The following CFAP46 variants were observed in gnomAD, a reference collection of about 807,000 sequenced individuals.
CFAP46 encodes the protein cilia- and flagella-associated protein 46.
A neutral mutation model predicts 325.7 loss-of-function variants in CFAP46; 245 were observed. The ratio of observed to expected loss-of-function variants is 0.75; its 90% CI spans 0.68 to 0.84. The LOEUF is 0.84. Among genes scored for constraint, CFAP46 ranks in the 40% least tolerant of loss-of-function variants. CFAP46 has a pLI of 0.00. For synonymous variants in CFAP46, 1,523 were observed against 1,495.9 expected, an observed-to-expected ratio of 1.02 and a Z score of -0.42; for missense variants, 3,346 against 3,543.0, an observed-to-expected ratio of 0.94 and a Z score of 1.41.
chr10:132,846,219 C>G lies in CFAP46; in HGVS notation c.6276G>C (p.Ser2092=), dbSNP rs769342863. 3.1e-5 allele frequency: 50 copies of G among 1,611,518 alleles called. 2 individuals carry two copies. In the Middle Eastern group the frequency reaches 3.7e-3, roughly 119 times the overall value. Residue 2092 remains serine, a synonymous_variant, in exon 44 of 58, where the codon TCG becomes TCC. Coordinates refer to ENST00000368586, the MANE Select transcript of CFAP46 (RefSeq NM_001200049.3). Reference sequence around the variant, plus strand: ...GGACATCCCTCATCGTCTCTGAGGCCGAGCAGCTCTGAAAGGGAGCAGGGG... The same window carrying G: ...GGACATCCCTCATCGTCTCTGAGGCGGAGCAGCTCTGAAAGGGAGCAGGGG... ...CQFLALSQSC[S]ASETMRDVLL...
At chr10:132,822,838 CTGATGTGTGCACTGT>C in intron 50 of CFAP46, among the ~76,000 whole-genome samples, 1 of 108,828 alleles carries the variant, frequency 9.2e-6, no homozygotes, top group Non-Finnish European at 1.8e-5. Flanking sequence ...CTGATGTGTG[CTGATGTGTGCACTGT>C]GTGCTGTGTG....
intron 25 of CFAP46, 89 bp downstream of exon 25, chr10:132,892,244 G>C (rs1849263363): frequency 8.0e-7 from 1 of 1,257,418 alleles, no homozygotes. Context: ...CAGGGCATGG[G>C]AATTTAAAAG....
At chr10:132,839,301 A>T (rs1189017696) in intron 44 of CFAP46, among the ~76,000 whole-genome samples, 1 of 152,238 alleles carries the variant, frequency 6.6e-6, no homozygotes, top group East Asian at 1.9e-4. Context: ...CACAAGGGAC[A>T]CAGCCCTGGG....
chr10:132,932,273 G>A (rs1849921843), intron 8 of CFAP46, among the ~76,000 whole-genome samples: 1 of 141,378 alleles, frequency 7.1e-6, no homozygotes, highest in African/African-American at 2.7e-5. Flanking sequence ...CACAGAGCCT[G>A]GGCCTCCCTC....
intron 22 of CFAP46, chr10:132,908,250 C>G: frequency 1.7e-6 from 1 of 585,090 alleles, no homozygotes; most frequent in Non-Finnish European, 3.0e-6. Flanking sequence ...GCTCCCTGAT[C>G]TGTGATCGCC....
rs780809245 is a variant in CFAP46, at chr10:132,940,988, T to G, written c.371+8A>C. On this transcript the variant is annotated splice_region_variant and intron_variant, in intron 4 of 57. Coordinates refer to ENST00000368586, the MANE Select transcript of CFAP46 (RefSeq NM_001200049.3). ...TCAGTGAGAAACGGCCACTTCAATT[T>G]TGCCTACCTCGGTTCTCCTTTGGCA... 6.2e-7 allele frequency: 1 copy of G among 1,614,152 alleles called. No individual in the cohort carries two copies. Among genetic ancestry groups the G allele is most frequent in the Non-Finnish European group, 8.5e-7 (1 of 1,179,984 alleles).
intron 27 of CFAP46, among the ~76,000 whole-genome samples, chr10:132,882,114 CTGTATGGGATGTGGGGTGTGAGTGGTG>C (rs755594551): frequency 8.6e-4 from 33 of 38,522 alleles, no homozygotes; most frequent in Middle Eastern, 0.017. Context: ...TGTGTGTGGT[CTGTATGGGATGTGGGGTGTGAGTGGTG>C]TGTGTGGGAT....
Position 132,847,817 on chromosome 10 carries a change from G to A in CFAP46, c.5953-496C>T, listed in dbSNP as rs1848465637. 6.6e-6 allele frequency among the ~76,000 whole-genome samples: 1 copy of A among 152,156 alleles called. No individual in the cohort carries two copies. Among genetic ancestry groups the A allele is most frequent in the South Asian group, 2.1e-4 (1 of 4,828 alleles). ...GAGAGGGAGCCCCCTGGGTTTTCGG[G>A]ACACAAGGTATCGCAGCACCAAATC... On this transcript the variant is annotated intron_variant, in intron 41 of 57. Coordinates refer to ENST00000368586, the MANE Select transcript of CFAP46 (RefSeq NM_001200049.3). The surrounding 1 kb of genome is among the most constrained non-coding windows in gnomAD (Gnocchi z 5.2).
rs770250507 is a variant in CFAP46, at chr10:132,922,587, G to A, written c.1378C>T (p.Leu460Phe). 1 of 1,548,980 alleles carries A rather than the reference G, an allele frequency of 6.5e-7. No individual in the cohort carries two copies. The highest frequency in any genetic ancestry group is 8.7e-7 in the Non-Finnish European group (1 of 1,146,844). The change falls in exon 12 of 58, where the codon CTC becomes TTC. Residue 460 changes from leucine to phenylalanine, a missense_variant. By Grantham distance (22) the Leu-to-Phe change is conservative (BLOSUM62 0). Coordinates refer to ENST00000368586, the MANE Select transcript of CFAP46 (RefSeq NM_001200049.3). ...RKAARLDSLG[L>F]YRDRIQMAST... ...GCCATCTGGATCCTGTCCCGGTAGA[G>A]GCCCAGGCTGTCCAGGCGCGCGGCT... is the stretch of plus-strand genomic sequence containing the variant.
rs1399663247 is a variant in CFAP46, at chr10:132,919,705, C to T, written c.1731-263G>A. ...AGAAGAAAGGCCACACAATCCACTCCCCGGGGGAGTGCACGGGACAGGCCT... is the reference window on the plus strand; with the variant it reads ...AGAAGAAAGGCCACACAATCCACTCTCCGGGGGAGTGCACGGGACAGGCCT... On this transcript the variant is annotated intron_variant, in intron 14 of 57. Coordinates refer to ENST00000368586, the MANE Select transcript of CFAP46 (RefSeq NM_001200049.3). The surrounding 1 kb of genome is among the most constrained non-coding windows in gnomAD (Gnocchi z 9.7). Among the ~76,000 whole-genome samples the T allele has an allele frequency of 2.0e-5, 3 of 152,072 alleles. No homozygotes were observed. Among genetic ancestry groups the T allele is most frequent in the Admixed American group, 6.5e-5 (1 of 15,286 alleles).
At chr10:132,931,021 C>A (rs1410407899) in intron 8 of CFAP46, among the ~76,000 whole-genome samples, 9 of 116,692 alleles carry the variant, frequency 7.7e-5, no homozygotes, top group Admixed American at 3.4e-4. Flanking sequence ...CCTCCACAAA[C>A]AAAACCTGGG....
chr10:132,817,198 C>T lies in CFAP46; in HGVS notation c.7118-2284G>A, dbSNP rs192634902. Among the ~76,000 whole-genome samples, 3 of 152,274 alleles carry T rather than the reference C, an allele frequency of 2.0e-5. No homozygotes were observed. Among genetic ancestry groups the T allele is most frequent in the South Asian group, 2.1e-4 (1 of 4,824 alleles). ...AGGCTATTTCATACCTCTGAGGAGG[C>T]GAACTTTCGATTCTCATGATGTCCA... On this transcript the variant is annotated intron_variant, in intron 50 of 57. Transcript: ENST00000368586. This position sits in a 1 kb window ranked among gnomAD's most constrained non-coding sequence, Gnocchi z 4.4.
At chr10:132,860,616 C>T (rs765760469) in intron 36 of CFAP46, 93 bp from the exon 37 acceptor site, 34 of 1,206,146 alleles carry the variant, frequency 2.8e-5, no homozygotes, top group Non-Finnish European at 3.9e-5. Context: ...AGATACGGGC[C>T]TGAGGACAGG....
chr10:132,834,654 C>G lies in CFAP46; in HGVS notation c.6866G>C (p.Arg2289Thr), dbSNP rs1477230108. The G allele has an allele frequency of 1.2e-6, 2 of 1,613,134 alleles. No homozygotes were observed. The highest frequency in any genetic ancestry group is 1.3e-5 in the African/African-American group (1 of 74,952). The change falls in exon 48 of 58, where the codon AGA becomes ACA. Residue 2289 changes from arginine to threonine, a missense_variant and splice_region_variant. Transcript: ENST00000368586. ...LFPLLSLSKA[R>T]VQTPAVVADS... ...CCAGCCTCAACGTCATCCCCAGTAC[C>G]TGGCCTTGGAGAGGCTGAGCAGGGG...
intron 44 of CFAP46, among the ~76,000 whole-genome samples, chr10:132,845,242 T>A (rs60678278): frequency 6.6e-6 from 1 of 152,264 alleles, no homozygotes; most frequent in African/African-American, 2.4e-5. Context: ...CCACCCTCTG[T>A]CCTCTCAGCT....
Position 132,836,921 on chromosome 10 carries a change from G to A in CFAP46, c.6439-7C>T. On this transcript the variant is annotated splice_region_variant and splice_polypyrimidine_tract_variant and intron_variant, in intron 44 of 57. Transcript: ENST00000368586. ...CGCAGAGATTTTGCCAAGCCTGTGTGGCGAAAAACGGCCATCAGGGGATGC... is the reference window on the plus strand; with the variant it reads ...CGCAGAGATTTTGCCAAGCCTGTGTAGCGAAAAACGGCCATCAGGGGATGC... 1 of 1,608,182 alleles carries A rather than the reference G, an allele frequency of 6.2e-7. No individual in the cohort carries two copies. Among genetic ancestry groups the A allele is most frequent in the Non-Finnish European group, 8.5e-7 (1 of 1,174,808 alleles).
chr10:132,863,088 C>T (rs979744784), intron 35 of CFAP46, among the ~76,000 whole-genome samples: 3 of 152,142 alleles, frequency 2.0e-5, no homozygotes, highest in Non-Finnish European at 4.4e-5. Flanking sequence ...GAGTCCAGCA[C>T]CCATCACGTC....
rs1849743873 is a variant in CFAP46 at position 132,922,622 on chromosome 10, TGCTCCGTGGCGG to T, written c.1331_1342del (p.Pro444_Glu447del). On this transcript the variant is annotated inframe_deletion, in exon 12 of 58. Coordinates refer to ENST00000368586, the MANE Select transcript of CFAP46 (RefSeq NM_001200049.3). ...GTCCAGGCGCGCGGCTTTCCGGAGGTGCTCCGTGGCGGGCTCCAGCCGGTCCTCGTCCTCCTC... is the reference window on the plus strand; with the variant it reads ...GTCCAGGCGCGCGGCTTTCCGGAGGTGCTCCAGCCGGTCCTCGTCCTCCTC... The T allele has an allele frequency of 6.5e-7, 1 of 1,549,570 alleles. No homozygotes were observed. Among genetic ancestry groups the T allele is most frequent in the South Asian group, 1.2e-5 (1 of 84,056 alleles).
At chr10:132,826,772 T>C (rs1848063846) in intron 50 of CFAP46, among the ~76,000 whole-genome samples, 1 of 152,006 alleles carries the variant, frequency 6.6e-6, no homozygotes, top group African/African-American at 2.4e-5. Context: ...AGGCAGGAGC[T>C]GGATGCAGCA....
Sources: allele counts gnomAD v4.1 joint callset (sites outside exome capture counted in the v4.1 genomes callset), GRCh38; gene constraint gnomAD v4.1.1; non-coding constraint Gnocchi (gnomAD v3.1); transcripts MANE v1.5; gene names NCBI Gene and HGNC (gene_info 2026-07-23, HGNC 2026-07-21).